Variants in IFT43 observed in about 807,000 individuals in gnomAD.
IFT43 encodes intraflagellar transport protein 43 homolog.
A neutral mutation model predicts 32.3 loss-of-function variants in IFT43; 33 were observed. The ratio of observed to expected loss-of-function variants is 1.02; its 90% CI spans 0.77 to 1.37. The LOEUF (loss-of-function observed/expected upper bound fraction) is 1.37. IFT43 is among the 40% of genes most tolerant of loss of function. The pLI is 0.00. For missense variants in IFT43, 274 were observed against 265.9 expected (o/e 1.03, Z -0.21); for synonymous variants, 93 against 98.2 (o/e 0.95, Z 0.31).
chr14:75,986,058 AGAAAACAC>A, intron 1 of IFT43: 2 of 1,510,628 alleles, frequency 1.3e-6, no homozygotes, highest in East Asian at 5.1e-5. Flanking sequence ...CTCAGAAAGT[AGAAAACAC>A]CCTGTCCCCG....
chr14:75,993,580 G>A (rs1156851829), intron 2 of IFT43, among the ~76,000 whole-genome samples: 1 of 152,200 alleles, frequency 6.6e-6, no homozygotes, highest in Non-Finnish European at 1.5e-5. Flanking sequence ...GAATCTGGTT[G>A]CCTACAACAG....
rs370205674 is a variant in IFT43 at position 76,059,084 on chromosome 14, C to T, written c.249-243C>T. The T allele has an allele frequency of 2.1e-4, 301 of 1,434,282 alleles. 2 individuals are homozygous for T. Among genetic ancestry groups the T allele is most frequent in the African/African-American group, 1.5e-3 (103 of 69,862 alleles). 88.8% of individuals were successfully genotyped at this position (1,434,282 alleles called of 1,614,324 possible). ...CCACCCAGTTTCCTACTCCCAGGGG[C>T]GGAAGCTGCATTCATGTCATAGCCT... On this transcript the variant is annotated intron_variant, in intron 4 of 8. Coordinates refer to ENST00000314067, the MANE Select transcript of IFT43 (RefSeq NM_001102564.3).
At chr14:76,003,907 G>A (rs2035936107) in intron 2 of IFT43, among the ~76,000 whole-genome samples, 1 of 151,726 alleles carries the variant, frequency 6.6e-6, no homozygotes, top group African/African-American at 2.4e-5. Context: ...CTCCCAAGTA[G>A]CAGGGATTAG....
intron 5 of IFT43, among the ~76,000 whole-genome samples, chr14:76,073,312 A>G (rs1212241693): frequency 6.6e-6 from 1 of 152,150 alleles, no homozygotes; most frequent in Non-Finnish European, 1.5e-5. Flanking sequence ...ATGGGAAGGG[A>G]CAGGCATGTT....
intron 2 of IFT43, among the ~76,000 whole-genome samples, chr14:75,989,584 G>C (rs1448915873): frequency 1.3e-5 from 2 of 152,146 alleles, no homozygotes; most frequent in Non-Finnish European, 2.9e-5. Flanking sequence ...GCAAAAGTCA[G>C]CCTCAGGGTC....
chr14:76,053,404 A>G (rs1170901510), intron 3 of IFT43, among the ~76,000 whole-genome samples: 1 of 152,146 alleles, frequency 6.6e-6, no homozygotes, highest in Non-Finnish European at 1.5e-5. Context: ...AGAAGCTGGG[A>G]TGAAGACCAG....
chr14:76,030,397 A>G (rs962622811), intron 3 of IFT43, among the ~76,000 whole-genome samples: 1 of 152,150 alleles, frequency 6.6e-6, no homozygotes, highest in South Asian at 2.1e-4. Flanking sequence ...TGTATTTTCC[A>G]TGTTTAGTCC....
At chr14:76,065,879 C>G (rs1169863487) in intron 5 of IFT43, among the ~76,000 whole-genome samples, 1 of 152,202 alleles carries the variant, frequency 6.6e-6, no homozygotes, top group Non-Finnish European at 1.5e-5. Context: ...CTCGGTTTCC[C>G]GAAGTGCCGG....
At chr14:76,029,617 C>T (rs1354989653) in intron 3 of IFT43, among the ~76,000 whole-genome samples, 3 of 152,006 alleles carry the variant, frequency 2.0e-5, no homozygotes, top group Non-Finnish European at 2.9e-5. Context: ...GTCGTTGATC[C>T]ATCTTGAGTT....
intron 3 of IFT43, among the ~76,000 whole-genome samples, chr14:76,030,390 A>G (rs2036488104): frequency 3.3e-5 from 5 of 152,042 alleles, no homozygotes; most frequent in Admixed American, 3.3e-4. Flanking sequence ...ATAAATTTGT[A>G]TTTTCCATGT....
At position 76,083,710 on chromosome 14, in the gene IFT43, A is replaced by G. The variant is rs2037558550; in HGVS notation, c.*133A>G. On this transcript the variant is annotated 3_prime_UTR_variant, in exon 9 of 9. Coordinates refer to ENST00000314067, the MANE Select transcript of IFT43 (RefSeq NM_001102564.3). ...TATATTCAGTCAACCACATTGGATA[A>G]TTCAATTGCAATAAATTGCTTATTC... 1 of 852,084 alleles carries G rather than the reference A, an allele frequency of 1.2e-6. No individual in the cohort carries two copies. The highest frequency in any genetic ancestry group is 3.3e-4 in the Middle Eastern group (1 of 3,032). The allele number at this position is 852,084 out of a possible 1,614,324, so 52.8% of individuals were successfully genotyped here.
chr14:76,073,565 C>T (rs1278294679), intron 5 of IFT43, among the ~76,000 whole-genome samples: 1 of 152,136 alleles, frequency 6.6e-6, no homozygotes, highest in African/African-American at 2.4e-5. Context: ...TCTGAACATT[C>T]AGAGATGTCC....
intron 6 of IFT43, 74 bp from the exon 7 acceptor site, chr14:76,082,543 G>A: frequency 1.3e-6 from 2 of 1,561,834 alleles, no homozygotes; most frequent in South Asian, 2.2e-5. Context: ...AAGGTTCTGG[G>A]GACGGTGGCC....
At chr14:76,030,503 A>G (rs2036490591) in intron 3 of IFT43, among the ~76,000 whole-genome samples, 1 of 152,162 alleles carries the variant, frequency 6.6e-6, no homozygotes, top group South Asian at 2.1e-4. Flanking sequence ...TTGCTATTGG[A>G]TATCTTTGCT....
At chr14:76,062,071 G>A (rs928083841) in intron 5 of IFT43, among the ~76,000 whole-genome samples, 3 of 150,818 alleles carry the variant, frequency 2.0e-5, no homozygotes, top group Admixed American at 6.6e-5. Context: ...ATATTTTTCC[G>A]CTTCTTTTTT....
intron 3 of IFT43, among the ~76,000 whole-genome samples, chr14:76,052,295 C>T (rs1014430614): frequency 1.3e-5 from 2 of 152,190 alleles, no homozygotes; most frequent in Non-Finnish European, 2.9e-5. Context: ...CCATTAAACT[C>T]GAGAGAAACA....
chr14:76,054,944 A>G (rs2036982761), intron 3 of IFT43, among the ~76,000 whole-genome samples: 1 of 152,230 alleles, frequency 6.6e-6, no homozygotes, highest in Non-Finnish European at 1.5e-5. Flanking sequence ...CTTCCATATC[A>G]GATTCTTCTC....
chr14:76,005,668 C>T (rs2035967517), intron 2 of IFT43, among the ~76,000 whole-genome samples: 1 of 152,166 alleles, frequency 6.6e-6, no homozygotes, highest in Admixed American at 6.5e-5. Context: ...TTCTTAAAGC[C>T]AATAAAATTG....
intron 2 of IFT43, among the ~76,000 whole-genome samples, chr14:76,003,374 G>A (rs2035925051): frequency 6.6e-6 from 1 of 151,990 alleles, no homozygotes; most frequent in Non-Finnish European, 1.5e-5. Flanking sequence ...TGTAATCCCA[G>A]CACAGCACTT....
Sources: allele counts gnomAD v4.1 joint callset (sites outside exome capture counted in the v4.1 genomes callset), GRCh38; gene constraint gnomAD v4.1.1; transcripts MANE v1.5; gene names NCBI Gene and HGNC (gene_info 2026-07-23, HGNC 2026-07-21).